GAB2: variants seen among roughly 807,000 people sequenced by gnomAD.
The protein encoded by GAB2 is GRB2 associated binding protein 2, also known as GRB2-associated-binding protein 2.
GAB2 carries 26 observed loss-of-function variants against 65.5 expected under a neutral mutation model. That is an observed-to-expected ratio of 0.40 (90% CI 0.29 to 0.55). The LOEUF (loss-of-function observed/expected upper bound fraction) is 0.55, where lower values mean the gene tolerates loss of function less well. Ranked by LOEUF, GAB2 falls within the 20% of genes least tolerant of loss-of-function variation. GAB2 has a pLI of 0.53. For missense variants in GAB2, 884 were observed against 875.8 expected (o/e 1.01, Z -0.12); for synonymous variants, 321 against 329.6 (o/e 0.97, Z 0.28).
chr11:78,250,366 G>T lies in GAB2; in HGVS notation c.411C>A (p.Gly137=). 3.1e-6 allele frequency: 5 copies of T among 1,612,848 alleles called. No homozygotes were observed. The highest frequency in any genetic ancestry group is 2.7e-5 in the African/African-American group (2 of 74,926). The change falls in exon 3 of 10, where the codon GGC becomes GGA. Residue 137 remains glycine (G), a synonymous_variant. Transcript: ENST00000361507. The part of the protein sequence containing the change: ...SLRNVSSAGH[G]PRSSPAELSS... ...TGAGCTCAGCTGGAGAAGAGCGGGG[G>T]CCATGACCGGCTGAGGAAACATTTC...
intron 9 of GAB2, among the ~76,000 whole-genome samples, chr11:78,219,909 C>T (rs1432842114): frequency 6.6e-6 from 1 of 152,170 alleles, no homozygotes; most frequent in Non-Finnish European, 1.5e-5. Flanking sequence ...GAGGCTTTCC[C>T]AGGCCTGGAA....
intron 1 of GAB2, among the ~76,000 whole-genome samples, chr11:78,360,227 A>G (rs1188094463): frequency 6.6e-6 from 1 of 152,114 alleles, no homozygotes; most frequent in Non-Finnish European, 1.5e-5. Flanking sequence ...ATAAATCTCT[A>G]TTGTCTTAAG....
intron 3 of GAB2, among the ~76,000 whole-genome samples, chr11:78,229,860 G>T (rs909731813): frequency 6.6e-6 from 1 of 152,104 alleles, no homozygotes; most frequent in Non-Finnish European, 1.5e-5. Flanking sequence ...CCTCAATCTG[G>T]CAAGTTCCTA....
chr11:78,412,523 G>A (rs555880396), intron 1 of GAB2, among the ~76,000 whole-genome samples: 21 of 152,298 alleles, frequency 1.4e-4, no homozygotes, highest in African/African-American at 4.6e-4. Flanking sequence ...TAGTGAATAC[G>A]ATTATAAAAG....
At chr11:78,248,711 C>G (rs1865362904) in intron 3 of GAB2, among the ~76,000 whole-genome samples, 1 of 152,166 alleles carries the variant, frequency 6.6e-6, no homozygotes, top group African/African-American at 2.4e-5. Flanking sequence ...TATTCCCATT[C>G]TGAAGATAAG....
chr11:78,411,264 C>T (rs1467582836), intron 1 of GAB2, among the ~76,000 whole-genome samples: 1 of 152,050 alleles, frequency 6.6e-6, no homozygotes, highest in African/African-American at 2.4e-5. Flanking sequence ...TATAGTAAAG[C>T]TGTAATTTCT....
chr11:78,285,494 T>C (rs1343239558), intron 1 of GAB2, among the ~76,000 whole-genome samples: 1 of 152,242 alleles, frequency 6.6e-6, no homozygotes, highest in Non-Finnish European at 1.5e-5. Flanking sequence ...TATTTATATA[T>C]ATTTTTAGAG....
intron 1 of GAB2, among the ~76,000 whole-genome samples, chr11:78,298,214 T>C (rs1278682502): frequency 6.6e-6 from 1 of 152,180 alleles, no homozygotes; most frequent in Non-Finnish European, 1.5e-5. Flanking sequence ...GAAGAGGGCA[T>C]ATGCAACCAA....
At chr11:78,234,282 C>A (rs1420140103) in intron 3 of GAB2, among the ~76,000 whole-genome samples, 1 of 152,114 alleles carries the variant, frequency 6.6e-6, no homozygotes, top group African/African-American at 2.4e-5. Context: ...TGGGTTTTGC[C>A]ATGTTATCCA....
chr11:78,238,472 GACCCTGTCTCTTAAAAAAAAAAA>G (rs979819502), intron 3 of GAB2, among the ~76,000 whole-genome samples: 6 of 147,102 alleles, frequency 4.1e-5, no homozygotes, highest in Non-Finnish European at 8.9e-5. Context: ...GCCAGACTGA[GACCCTGTCTCTTAAAAAAAAAAA>G]AAAGTCGAAG....
Position 78,417,691 on chromosome 11 carries a change from G to T in GAB2, c.30C>A (p.Thr10=). The change falls in exon 1 of 10, where the codon ACC becomes ACA. Residue 10 remains threonine (T), a synonymous_variant. Transcript: ENST00000361507. MSGGGDVVC[T]GWLRKSPPEK... Reference sequence around the variant, plus strand: ...CGGGAGGCGATTTCCTCAGCCAGCCGGTGCACACCACGTCGCCGCCGCCGC... The same window carrying T: ...CGGGAGGCGATTTCCTCAGCCAGCCTGTGCACACCACGTCGCCGCCGCCGC... 1 of 1,370,730 alleles carries T rather than the reference G, an allele frequency of 7.3e-7. No individual in the cohort carries two copies. Among genetic ancestry groups the T allele is most frequent in the Non-Finnish European group, 9.6e-7 (1 of 1,037,268 alleles). The allele number at this position is 1,370,730 out of a possible 1,614,324, so 84.9% of individuals were successfully genotyped here.
rs35453397 is a variant in GAB2 at position 78,263,899 on chromosome 11, ATT to A, written c.377-13501_377-13500del. ...GGGCAAGGATGTCAGTCTCCTGTCAATTTTTTTTTTTTTTTTTAAGTAAAACA... is the reference window on the plus strand; with the variant it reads ...GGGCAAGGATGTCAGTCTCCTGTCAATTTTTTTTTTTTTTTAAGTAAAACA... On this transcript the variant is annotated intron_variant, in intron 2 of 9. Transcript: ENST00000361507. 9.2e-3 allele frequency among the ~76,000 whole-genome samples: 1,312 copies of A among 142,522 alleles called. 20 individuals carry two copies. Among genetic ancestry groups the A allele is most frequent in the South Asian group, 0.054 (236 of 4,392 alleles). The allele number at this position is 142,522 out of a possible 152,430, so 93.5% of individuals were successfully genotyped here.
chr11:78,255,665 G>A (rs1394232200), intron 2 of GAB2, among the ~76,000 whole-genome samples: 1 of 152,150 alleles, frequency 6.6e-6, no homozygotes, highest in Non-Finnish European at 1.5e-5. Flanking sequence ...CTTGGGTTTG[G>A]TGCTGTTTTG....
chr11:78,299,282 G>A (rs1057506925), intron 1 of GAB2, among the ~76,000 whole-genome samples: 1 of 152,144 alleles, frequency 6.6e-6, no homozygotes, highest in African/African-American at 2.4e-5. Context: ...TTCCTGCTCT[G>A]GGCCATTTCC....
At chr11:78,362,468 T>C (rs1384960651) in intron 1 of GAB2, among the ~76,000 whole-genome samples, 2 of 151,868 alleles carry the variant, frequency 1.3e-5, no homozygotes, top group African/African-American at 4.8e-5. Context: ...GGAAACAAAA[T>C]GTTCAATCCA....
intron 3 of GAB2, among the ~76,000 whole-genome samples, chr11:78,230,688 A>G (rs898510928): frequency 3.3e-5 from 5 of 152,234 alleles, no homozygotes; most frequent in Admixed American, 6.5e-5. Flanking sequence ...ACTGATTATC[A>G]CCTCAGTAAC....
rs371741882 is a variant in GAB2, at chr11:78,407,654, AAAGT to A, written c.75+9988_75+9991del. On this transcript the variant is annotated intron_variant, in intron 1 of 9. Coordinates refer to ENST00000361507, the MANE Select transcript of GAB2 (RefSeq NM_080491.3). ...TTCTCAAAGAAAGAAAGAAAGAAAG[AAAGT>A]AAGAAAGAAAGAAAGAAAGAAAGAA... 1.4e-3 allele frequency among the ~76,000 whole-genome samples: 138 copies of A among 100,856 alleles called. 1 individual carries two copies. Among genetic ancestry groups the A allele is most frequent in the African/African-American group, 3.5e-3 (108 of 31,014 alleles). The allele number at this position is 100,856 out of a possible 152,430, so 66.2% of individuals were successfully genotyped here.
chr11:78,351,005 G>C (rs564233228), intron 1 of GAB2, among the ~76,000 whole-genome samples: 1 of 152,330 alleles, frequency 6.6e-6, no homozygotes, highest in East Asian at 1.9e-4. Context: ...GGAAGTCGTG[G>C]AAGAAGCTTT....
rs1044702547 is a variant in GAB2, at chr11:78,317,685, T to C, written c.76-36784A>G. Among the ~76,000 whole-genome samples the C allele has an allele frequency of 3.3e-5, 5 of 152,116 alleles. No homozygotes were observed. The East Asian group carries it at 7.7e-4, about 23-fold the overall frequency. On this transcript the variant is annotated intron_variant, in intron 1 of 9. Transcript: ENST00000361507. The stretch of plus-strand genomic sequence containing the variant: ...ATATATTAAGCATTCAGCAAAGAAC[T>C]TGGCAACGAATCTTTGCTCCTTCCT...
Sources: allele counts gnomAD v4.1 joint callset (sites outside exome capture counted in the v4.1 genomes callset), GRCh38; gene constraint gnomAD v4.1.1; transcripts MANE v1.5; gene names NCBI Gene and HGNC (gene_info 2026-07-23, HGNC 2026-07-21).